CD1A: variants seen among roughly 807,000 people sequenced by gnomAD.
The protein encoded by CD1A is T-cell surface glycoprotein CD1a.
In CD1A, 50 loss-of-function variants were observed where a neutral mutation model predicts 38.3. That is an observed-to-expected ratio of 1.30 (90% CI 1.04 to 1.65). The LOEUF (loss-of-function observed/expected upper bound fraction) is 1.65, where lower values mean the gene tolerates loss of function less well. Among genes scored for constraint, CD1A ranks in the 40% most tolerant of loss-of-function variants. The pLI, the probability that CD1A is intolerant of heterozygous loss-of-function variation, is 0.00. For synonymous variants in CD1A, 160 were observed against 150.8 expected (o/e 1.06, Z -0.45); for missense variants, 459 against 406.1 (o/e 1.13, Z -1.12).
At chr1:158,255,727 A>G (rs1341308525) in intron 2 of CD1A, among the ~76,000 whole-genome samples, 1 of 152,060 alleles carries the variant, frequency 6.6e-6, no homozygotes, top group Non-Finnish European at 1.5e-5. Context: ...ATTCAACCTA[A>G]GTTGTTATAA....
intron 1 of CD1A, 86 bp downstream of exon 1, chr1:158,254,813 GT>G: frequency 1.1e-6 from 1 of 936,714 alleles, no homozygotes; most frequent in Non-Finnish European, 1.7e-6. Context: ...GTGTGTGTGT[GT>G]GTGTGTGTGT....
At chr1:158,254,030 G>GTTTT (rs1398850181), upstream of CD1A, 4 of 45,830 alleles carry the variant, frequency 8.7e-5, no homozygotes, top group African/African-American at 2.6e-4. Context: ...GTGTTCCTGT[G>GTTTT]GTTTTTTTTT....
rs1650279215 is a variant in CD1A, at chr1:158,256,994, G to C, written c.813G>C (p.Gly271=). 6.2e-7 allele frequency: 1 copy of C among 1,614,064 alleles called. No individual in the cohort carries two copies. Among genetic ancestry groups the C allele is most frequent in the African/African-American group, 1.3e-5 (1 of 74,928 alleles). Residue 271 remains glycine (G), a synonymous_variant, in exon 4 of 6, where the codon GGG becomes GGC. Coordinates refer to ENST00000289429, the MANE Select transcript of CD1A (RefSeq NM_001763.3). The part of the protein sequence containing the change: ...YLRATLEVAA[G]EAADLSCRVK... ...GCGCAACCCTGGAGGTGGCCGCTGG[G>C]GAGGCAGCTGACCTGTCCTGTCGGG...
rs374786130 is a variant in CD1A, at chr1:158,254,698, C to A, written c.29C>A (p.Ala10Asp). MLFLLLPLLAVLPGDGNADG... is the reference protein window; with the variant it reads MLFLLLPLLDVLPGDGNADG... ...CTGTTTTTGCTACTTCCATTGTTAG[C>A]TGTTCTCCCAGGTGATGGCAATGCA... Residue 10 changes from alanine to aspartate, a missense_variant, in exon 1 of 6, where the codon GCT becomes GAT. Physicochemically the swap from Ala to Asp is moderately radical, Grantham distance 126. Transcript: ENST00000289429. 3 of 1,613,746 alleles carry A rather than the reference C, an allele frequency of 1.9e-6. No individual in the cohort carries two copies. The highest frequency in any genetic ancestry group is 2.2e-5 in the East Asian group (1 of 44,868).
At position 158,256,225 on chromosome 1, in the gene CD1A, T is replaced by C; in HGVS notation, c.547T>C (p.Cys183Arg). Residue 183 changes from cysteine (C) to arginine (R), a missense_variant, in exon 3 of 6, where the codon TGC (cysteine) becomes CGC (arginine). Coordinates refer to ENST00000289429, the MANE Select transcript of CD1A (RefSeq NM_001763.3). ...DITHNLLSDT[C>R]PRFILGLLDA... Reference sequence around the variant, plus strand: ...AACACACAATCTTCTCAGTGACACCTGCCCACGTTTCATCTTGGGTCTTCT... The same window carrying C: ...AACACACAATCTTCTCAGTGACACCCGCCCACGTTTCATCTTGGGTCTTCT... 1 of 1,614,170 alleles carries C rather than the reference T, an allele frequency of 6.2e-7. No homozygotes were observed. The highest frequency in any genetic ancestry group is 8.5e-7 in the Non-Finnish European group (1 of 1,180,014).
chr1:158,251,054 C>G (rs1003587475), upstream of CD1A, among the ~76,000 whole-genome samples: 4 of 152,194 alleles, frequency 2.6e-5, no homozygotes, highest in Non-Finnish European at 4.4e-5. Flanking sequence ...GGAAGCCTTA[C>G]TGCTAACATA....
In CD1A at chr1:158,254,500, T is replaced by A; in HGVS notation, c.-170T>A. On this transcript the variant is annotated 5_prime_UTR_variant, in exon 1 of 6. Transcript: ENST00000289429. The stretch of plus-strand genomic sequence containing the variant: ...AACCAGAGGGAAATGAGAGACTGAG[T>A]AGGCATCTCAGGGTTTTTGAAGGAG... The A allele has an allele frequency of 6.9e-7, 1 of 1,453,036 alleles. No homozygotes were observed. The highest frequency in any genetic ancestry group is 1.4e-5 in the South Asian group (1 of 71,616). The allele number at this position is 1,453,036 out of a possible 1,614,324, so 90.0% of individuals were successfully genotyped here. A position where few individuals can be genotyped will look rare whatever the true frequency, so the allele number is the denominator to read the frequency against.
At chr1:158,254,292 G>T, upstream of CD1A, 1 of 1,114,564 alleles carries the variant, frequency 9.0e-7, no homozygotes, top group African/African-American at 1.6e-5. Context: ...GGAGCATTGG[G>T]CAGCACACTG....
At position 158,255,223 on chromosome 1, in the gene CD1A, C is replaced by A; in HGVS notation, c.198C>A (p.Phe66Leu). 1 of 1,614,130 alleles carries A rather than the reference C, an allele frequency of 6.2e-7. No individual in the cohort carries two copies. Among genetic ancestry groups the A allele is most frequent in the Non-Finnish European group, 8.5e-7 (1 of 1,180,022 alleles). Residue 66 changes from phenylalanine to leucine, a missense_variant, in exon 2 of 6, where the codon TTC (phenylalanine) becomes TTA (leucine). Physicochemically the swap from Phe to Leu is conservative, Grantham distance 22 (BLOSUM62 0). Coordinates refer to ENST00000289429, the MANE Select transcript of CD1A (RefSeq NM_001763.3). ...TWDSNSSTIV[F>L]LCPWSRGNFS... is the part of the protein sequence containing the mutation. Reference sequence around the variant, plus strand: ...ACAGCAATTCCAGCACCATCGTTTTCCTGTGCCCCTGGTCCAGGGGAAACT... The same window carrying A: ...ACAGCAATTCCAGCACCATCGTTTTACTGTGCCCCTGGTCCAGGGGAAACT...
At chr1:158,252,197 T>C (rs780443464), upstream of CD1A, among the ~76,000 whole-genome samples, 1 of 151,552 alleles carries the variant, frequency 6.6e-6, no homozygotes, top group Non-Finnish European at 1.5e-5. Context: ...ACCCTTCCCA[T>C]GCAGTAGCTG....
Position 158,255,199 on chromosome 1 carries a change from C to G in CD1A, c.174C>G (p.Asp58Glu). The change falls in exon 2 of 6, where the codon GAC becomes GAG. Residue 58 changes from aspartate (D) to glutamate (E), a missense_variant. Asp to Glu is a conservative substitution (Grantham distance 45, BLOSUM62 2). Coordinates refer to ENST00000289429, the MANE Select transcript of CD1A (RefSeq NM_001763.3). ...WLSDLQTHTW[D>E]SNSSTIVFLC... ...GTGATTTGCAGACTCATACCTGGGA[C>G]AGCAATTCCAGCACCATCGTTTTCC... 6.2e-7 allele frequency: 1 copy of G among 1,614,134 alleles called. No homozygotes were observed. Among genetic ancestry groups the G allele is most frequent in the Non-Finnish European group, 8.5e-7 (1 of 1,180,028 alleles).
upstream of CD1A, among the ~76,000 whole-genome samples, chr1:158,251,301 G>A (rs34250639): frequency 0.064 from 9,761 of 152,262 alleles, 446 homozygotes; most frequent in Non-Finnish European, 0.095. Flanking sequence ...GAAAATCCAC[G>A]TGTGAGTAAA....
Position 158,255,324 on chromosome 1 carries a change from G to C in CD1A, c.299G>C (p.Arg100Thr). 1 of 1,614,110 alleles carries C rather than the reference G, an allele frequency of 6.2e-7. No homozygotes were observed. The highest frequency in any genetic ancestry group is 8.5e-7 in the Non-Finnish European group (1 of 1,179,986). ...RTIRSFEGIR[R>T]YAHELQFEYP... is the part of the protein sequence containing the mutation. ...ATTCGGTCATTTGAGGGAATTCGTA[G>C]ATACGCCCATGAATTGCAGTTTGAA... Residue 100 changes from arginine (R) to threonine (T), a missense_variant, in exon 2 of 6, where the codon AGA becomes ACA. Arg to Thr is a moderately conservative substitution (Grantham distance 71). Transcript: ENST00000289429.
intron 4 of CD1A, 142 bp from the exon 5 acceptor site, chr1:158,257,279 G>T: frequency 1.1e-6 from 1 of 936,360 alleles, no homozygotes; most frequent in East Asian, 2.4e-5. Context: ...GCAGGGATGA[G>T]AGAAAAACAT....
At position 158,256,849 on chromosome 1, in the gene CD1A, G is replaced by A; in HGVS notation, c.668G>A (p.Cys223Tyr). Reference protein sequence around the residue: ...SPGPGHLQLVCHVSGFYPKPV... With the variant: ...SPGPGHLQLVYHVSGFYPKPV... ...GGCCCTGGCCATCTGCAGCTTGTGT[G>A]CCATGTCTCAGGATTCTACCCAAAG... The change falls in exon 4 of 6, where the codon TGC (cysteine) becomes TAC (tyrosine). Residue 223 changes from cysteine to tyrosine, a missense_variant. Coordinates refer to ENST00000289429, the MANE Select transcript of CD1A (RefSeq NM_001763.3). The A allele has an allele frequency of 1.2e-6, 2 of 1,614,240 alleles. No individual in the cohort carries two copies. Among genetic ancestry groups the A allele is most frequent in the African/African-American group, 2.7e-5 (2 of 75,072 alleles).
At position 158,254,676 on chromosome 1, in the gene CD1A, T is replaced by C. The variant is rs1650179581; in HGVS notation, c.7T>C (p.Phe3Leu). The C allele has an allele frequency of 6.2e-7, 1 of 1,614,028 alleles. No homozygotes were observed. The highest frequency in any genetic ancestry group is 1.7e-5 in the Admixed American group (1 of 60,004). The part of the protein sequence containing the change: ML[F>L]LLLPLLAVLP... ...AATAACATCTGCAAATGATATGCTG[T>C]TTTTGCTACTTCCATTGTTAGCTGT... is the stretch of plus-strand genomic sequence containing the variant. The change falls in exon 1 of 6, where the codon TTT becomes CTT. Residue 3 changes from phenylalanine to leucine, a missense_variant. Transcript: ENST00000289429.
intron 5 of CD1A, 25 bp downstream of exon 5, chr1:158,257,536 C>G (rs1437233765): frequency 1.3e-6 from 2 of 1,599,222 alleles, no homozygotes; most frequent in Admixed American, 1.7e-5. Flanking sequence ...TGTGTCTTTC[C>G]TACTCTTAGC....
At chr1:158,254,785 CTGTGTGTGTGTGTGTGTGTGTGTG>C (rs55696033) in intron 1 of CD1A, 58 bp downstream of exon 1, 29 of 684,546 alleles carry the variant, frequency 4.2e-5, no homozygotes, top group Middle Eastern at 2.6e-4. Flanking sequence ...CTCTCTCTCT[CTGTGTGTGTGTGTGTGTGTGTGTG>C]TGTGTGTGTG....
At chr1:158,253,556 C>A (rs181163277), upstream of CD1A, among the ~76,000 whole-genome samples, 11 of 152,220 alleles carry the variant, frequency 7.2e-5, no homozygotes, top group Admixed American at 6.5e-4. Context: ...TGAATATCAC[C>A]TCCATAATTA....
Sources: gnomAD v4.1 joint callset for allele counts (sites outside exome capture counted in the v4.1 genomes callset) on GRCh38, gnomAD v4.1.1 for gene constraint, MANE v1.5 for transcripts, NCBI Gene and HGNC (gene_info 2026-07-23, HGNC 2026-07-21) for gene names.